The following CADPS variants were observed in gnomAD, a reference collection of about 807,000 sequenced individuals.
CADPS encodes the protein calcium dependent secretion activator, also known as calcium-dependent secretion activator 1.
In CADPS, 57 loss-of-function variants were observed where a neutral mutation model predicts 167.3. The observed-to-expected ratio is 0.34, with a 90% CI of 0.28 to 0.42. CADPS has a LOEUF of 0.42. Among genes scored for constraint, CADPS ranks in the 20% least tolerant of loss-of-function variants. The probability of loss-of-function intolerance (pLI) is 1.00; values close to 1 mark genes in which losing one functional copy is unlikely to be tolerated. For synonymous variants in CADPS, 676 were observed against 635.3 expected (o/e 1.06, Z -0.96); for missense variants, 1,414 against 1,738.1 (o/e 0.81, Z 3.32).
In CADPS at chr3:62,828,635, G is replaced by T. The variant is rs139993241; in HGVS notation, c.441+45954C>A. Among the ~76,000 whole-genome samples the T allele has an allele frequency of 1.4e-4, 22 of 151,982 alleles. 1 individual carries two copies. The highest frequency in any genetic ancestry group is 5.3e-4 in the African/African-American group (22 of 41,432). ...TATTTAATTATATATTCACAGTTGAGGGCCAAATTTGATGTTATCAAAAGC... is the reference window on the plus strand; with the variant it reads ...TATTTAATTATATATTCACAGTTGATGGCCAAATTTGATGTTATCAAAAGC... On this transcript the variant is annotated intron_variant, in intron 1 of 29. Coordinates refer to ENST00000383710, the MANE Select transcript of CADPS (RefSeq NM_003716.4).
chr3:62,474,953 TAGG>T (rs924800975), intron 23 of CADPS, among the ~76,000 whole-genome samples: 3 of 152,110 alleles, frequency 2.0e-5, no homozygotes, highest in African/African-American at 7.2e-5. Flanking sequence ...GGAGGGAAAT[TAGG>T]AGGTGTGGTA....
chr3:62,839,104 T>C (rs2076286955), intron 1 of CADPS, among the ~76,000 whole-genome samples: 1 of 152,204 alleles, frequency 6.6e-6, no homozygotes, highest in Non-Finnish European at 1.5e-5. Flanking sequence ...TGAAGATGCT[T>C]ATTCAGTTGT....
chr3:62,541,787 CTT>C (rs1041870634), intron 11 of CADPS, among the ~76,000 whole-genome samples: 2 of 152,000 alleles, frequency 1.3e-5, no homozygotes, highest in Admixed American at 6.6e-5. Flanking sequence ...GTTTGATAGT[CTT>C]TTCCTTTTTT....
chr3:62,825,477 A>G (rs1206925557), intron 1 of CADPS, among the ~76,000 whole-genome samples: 2 of 152,142 alleles, frequency 1.3e-5, no homozygotes, highest in East Asian at 1.9e-4. Flanking sequence ...CAAGCCCCCC[A>G]GGTAATTCCA....
chr3:62,609,695 C>T (rs913050351), intron 6 of CADPS, among the ~76,000 whole-genome samples: 2 of 152,296 alleles, frequency 1.3e-5, no homozygotes, highest in African/African-American at 4.8e-5. Flanking sequence ...TCAGGCAAAG[C>T]ATTAACACAT....
chr3:62,728,150 C>A (rs961513120), intron 3 of CADPS, among the ~76,000 whole-genome samples: 1 of 151,416 alleles, frequency 6.6e-6, no homozygotes, highest in East Asian at 2.0e-4. Context: ...AAAGTAATTG[C>A]GGTTTTTGCA....
chr3:62,661,416 C>A (rs1265412750), intron 4 of CADPS, among the ~76,000 whole-genome samples: 1 of 152,008 alleles, frequency 6.6e-6, no homozygotes, highest in Non-Finnish European at 1.5e-5. Context: ...GGTTGAGACA[C>A]CAGTGGGTAT....
chr3:62,674,262 T>C (rs575743884), intron 3 of CADPS, among the ~76,000 whole-genome samples: 4 of 152,276 alleles, frequency 2.6e-5, no homozygotes, highest in South Asian at 4.1e-4. Flanking sequence ...TTAAAACCTT[T>C]CCAGGGTACT....
intron 3 of CADPS, among the ~76,000 whole-genome samples, chr3:62,665,773 T>C (rs1008782479): frequency 3.3e-5 from 5 of 152,200 alleles, no homozygotes; most frequent in African/African-American, 1.2e-4. Context: ...TGCCACTTAG[T>C]AGCTGTGTGA....
In CADPS at chr3:62,585,285, C is replaced by G. The variant is rs771713733; in HGVS notation, c.1477G>C (p.Glu493Gln). The G allele has an allele frequency of 2.5e-6, 4 of 1,613,828 alleles. No individual in the cohort carries two copies. Among genetic ancestry groups the G allele is most frequent in the Non-Finnish European group, 2.5e-6 (3 of 1,179,848 alleles). Residue 493 changes from glutamate (E) to glutamine (Q), a missense_variant, in exon 8 of 30, where the codon GAG becomes CAG. Physicochemically the swap from Glu to Gln is conservative, Grantham distance 29. Around this residue, in one of 6 missense-constraint regions of CADPS, gnomAD observed 157 missense variants for 229.4 expected, o/e 0.68. Transcript: ENST00000383710. ...HPTPNSPKQSEWHKMTVSKNC... is the reference protein window; with the variant it reads ...HPTPNSPKQSQWHKMTVSKNC... ...TTGGAGACTGTCATTTTGTGCCACTCTGACTGTTTGGGGCTGTTCGGGGTG... is the reference window on the plus strand; with the variant it reads ...TTGGAGACTGTCATTTTGTGCCACTGTGACTGTTTGGGGCTGTTCGGGGTG...
In CADPS at chr3:62,455,426, C is replaced by A. The variant is rs889956634; in HGVS notation, c.3637-9629G>T. Among the ~76,000 whole-genome samples the A allele has an allele frequency of 6.6e-6, 1 of 152,074 alleles. No individual in the cohort carries two copies. Among genetic ancestry groups the A allele is most frequent in the Non-Finnish European group, 1.5e-5 (1 of 68,034 alleles). On this transcript the variant is annotated intron_variant, in intron 26 of 29. Transcript: ENST00000383710. The surrounding 1 kb of genome is among the most constrained non-coding windows in gnomAD (Gnocchi z 4.4). The stretch of plus-strand genomic sequence containing the variant: ...GAAACTGAGGCTCAGAGAGGTTAAT[C>A]GACTTTTGAAAAGATCCACAACTAG...
intron 1 of CADPS, among the ~76,000 whole-genome samples, chr3:62,833,852 T>C (rs2075501629): frequency 6.6e-6 from 1 of 152,124 alleles, no homozygotes; most frequent in African/African-American, 2.4e-5. Context: ...CTACTCTGGT[T>C]ACTAAAAAAT....
At position 62,624,703 on chromosome 3, in the gene CADPS, C is replaced by A. The variant is rs564414169; in HGVS notation, c.1325+21019G>T. Among the ~76,000 whole-genome samples the A allele has an allele frequency of 1.3e-3, 193 of 152,298 alleles. 2 individuals carry two copies. Among genetic ancestry groups the A allele is most frequent in the Non-Finnish European group, 1.9e-3 (130 of 68,022 alleles). On this transcript the variant is annotated intron_variant, in intron 6 of 29. Transcript: ENST00000383710. The stretch of plus-strand genomic sequence containing the variant: ...GTTTCTTCTCCTTCCATAGGGCAAG[C>A]TACCTGATGGTACTAAGTCTTGGTT...
At chr3:62,712,221 G>A (rs906677379) in intron 3 of CADPS, among the ~76,000 whole-genome samples, 8 of 152,272 alleles carry the variant, frequency 5.3e-5, no homozygotes, top group Middle Eastern at 3.4e-3. Flanking sequence ...ACTACTAGAA[G>A]TGAAATTCTT....
intron 3 of CADPS, among the ~76,000 whole-genome samples, chr3:62,696,406 C>T (rs1580628543): frequency 2.0e-5 from 3 of 152,186 alleles, no homozygotes; most frequent in South Asian, 2.1e-4. Context: ...CAGATACACC[C>T]TCTTTGCACC....
At chr3:62,810,717 C>G (rs1037633648) in intron 1 of CADPS, among the ~76,000 whole-genome samples, 1 of 152,216 alleles carries the variant, frequency 6.6e-6, no homozygotes, top group Non-Finnish European at 1.5e-5. Flanking sequence ...CATAGCTTCA[C>G]TCTTGAGTGT....
chr3:62,765,200 A>T (rs1357806174), intron 2 of CADPS, among the ~76,000 whole-genome samples: 2 of 152,244 alleles, frequency 1.3e-5, no homozygotes, highest in Non-Finnish European at 2.9e-5. Context: ...CAATATGCAC[A>T]CTGAGATAGA....
intron 22 of CADPS, among the ~76,000 whole-genome samples, chr3:62,481,078 G>A (rs1166842550): frequency 1.2e-4 from 19 of 152,222 alleles, no homozygotes; most frequent in Admixed American, 6.5e-4. Flanking sequence ...CTTGTGTTTC[G>A]AGAATTATTG....
intron 3 of CADPS, among the ~76,000 whole-genome samples, chr3:62,744,546 T>C (rs557125): frequency 0.58 from 88,196 of 152,036 alleles, 27,174 homozygotes; most frequent in African/African-American, 0.78. Flanking sequence ...TGTTCAAAGG[T>C]TAGTAAAATA....
Sources: allele counts gnomAD v4.1 joint callset (sites outside exome capture counted in the v4.1 genomes callset), GRCh38; gene constraint gnomAD v4.1.1; regional missense constraint gnomAD v4.1.1; non-coding constraint Gnocchi (gnomAD v3.1); transcripts MANE v1.5; gene names NCBI Gene and HGNC (gene_info 2026-07-23, HGNC 2026-07-21).